Variants in CDH12 observed in about 807,000 individuals in gnomAD.
The protein encoded by CDH12 is cadherin 12, also known as cadherin-12.
A neutral mutation model predicts 74.1 loss-of-function variants in CDH12; 41 were observed. The observed-to-expected ratio is 0.55, with a 90% confidence interval of 0.43 to 0.72. The LOEUF (loss-of-function observed/expected upper bound fraction) is 0.72, where lower values mean the gene tolerates loss of function less well. Among genes scored for constraint, CDH12 ranks in the 30% least tolerant of loss-of-function variants. CDH12 has a pLI of 0.00. For synonymous variants in CDH12, 399 were observed against 355.0 expected, an observed-to-expected ratio of 1.12 and a Z score of -1.39; for missense variants, 945 against 977.2, an observed-to-expected ratio of 0.97 and a Z score of 0.44.
At chr5:22,781,199 A>C (rs570590166) in intron 1 of CDH12, among the ~76,000 whole-genome samples, 22 of 152,316 alleles carry the variant, frequency 1.4e-4, no homozygotes, top group African/African-American at 4.3e-4. Flanking sequence ...CTCAAGAAAA[A>C]AATGAATCTT....
chr5:22,543,509 A>G (rs867665909), intron 1 of CDH12, among the ~76,000 whole-genome samples: 16 of 152,288 alleles, frequency 1.1e-4, no homozygotes, highest in Middle Eastern at 3.4e-3. Flanking sequence ...TTAGCTTAAT[A>G]TCGATTGTTG....
intron 2 of CDH12, among the ~76,000 whole-genome samples, chr5:22,441,371 T>C (rs1004198843): frequency 6.6e-6 from 1 of 152,142 alleles, no homozygotes; most frequent in African/African-American, 2.4e-5. Context: ...TTGCATATCA[T>C]TGAAGATATT....
intron 4 of CDH12, among the ~76,000 whole-genome samples, chr5:22,199,161 G>C (rs1750786431): frequency 6.6e-6 from 1 of 152,078 alleles, no homozygotes; most frequent in Admixed American, 6.5e-5. Flanking sequence ...AACCACTTGG[G>C]GAAGCAACAC....
At chr5:21,808,264 G>T (rs1484656337) in intron 9 of CDH12, among the ~76,000 whole-genome samples, 1 of 151,942 alleles carries the variant, frequency 6.6e-6, no homozygotes, top group Non-Finnish European at 1.5e-5. Flanking sequence ...CTCCCAAAAG[G>T]CCCTGAGCAA....
Position 22,151,480 on chromosome 5 carries a change from C to T in CDH12, c.-187+61018G>A, listed in dbSNP as rs190191754. On this transcript the variant is annotated intron_variant, in intron 4 of 14. Coordinates refer to ENST00000382254, the MANE Select transcript of CDH12 (RefSeq NM_004061.5). ...GATAAATATCTTATCAGTTTTTGTA[C>T]CCTGCTGAAATCCTTCCTCAAGAGA... 3.9e-5 allele frequency among the ~76,000 whole-genome samples: 6 copies of T among 152,138 alleles called. No individual in the cohort carries two copies. The East Asian group carries it at 9.7e-4, about 25-fold the overall frequency.
At chr5:22,704,503 A>G (rs1253029899) in intron 1 of CDH12, among the ~76,000 whole-genome samples, 1 of 152,138 alleles carries the variant, frequency 6.6e-6, no homozygotes, top group African/African-American at 2.4e-5. Context: ...AAGTCCAGTA[A>G]AGTATTCACA....
At chr5:22,661,418 T>C (rs1441458565) in intron 1 of CDH12, among the ~76,000 whole-genome samples, 1 of 152,180 alleles carries the variant, frequency 6.6e-6, no homozygotes, top group Non-Finnish European at 1.5e-5. Context: ...AATGCAGACG[T>C]TTTAGAAAAT....
At chr5:22,189,817 G>C (rs1297359430) in intron 4 of CDH12, among the ~76,000 whole-genome samples, 1 of 148,802 alleles carries the variant, frequency 6.7e-6, no homozygotes, top group Non-Finnish European at 1.5e-5. Context: ...GCATCCAGGG[G>C]ATAACAGATG....
chr5:22,302,009 GGAGAGA>G (rs36001047), intron 3 of CDH12, among the ~76,000 whole-genome samples: 1 of 145,382 alleles, frequency 6.9e-6, no homozygotes, highest in African/African-American at 2.6e-5. Flanking sequence ...ATATATATAT[GGAGAGA>G]GAGAGAGAGA....
At chr5:21,910,161 T>A (rs746984198) in intron 6 of CDH12, among the ~76,000 whole-genome samples, 2 of 152,130 alleles carry the variant, frequency 1.3e-5, no homozygotes, top group Non-Finnish European at 2.9e-5. Flanking sequence ...TGTGTATGTA[T>A]TTGCAAACAG....
chr5:22,704,600 T>A (rs1742888582), intron 1 of CDH12, among the ~76,000 whole-genome samples: 2 of 152,120 alleles, frequency 1.3e-5, no homozygotes, highest in South Asian at 4.1e-4. Flanking sequence ...TCTGTTGAAA[T>A]ATTTACAAGA....
At chr5:22,519,153 T>G (rs1470267474) in intron 1 of CDH12, among the ~76,000 whole-genome samples, 1 of 152,130 alleles carries the variant, frequency 6.6e-6, no homozygotes, top group Non-Finnish European at 1.5e-5. Context: ...AGTCTTAGTT[T>G]GTCCCAGGCA....
At chr5:21,960,724 TACAC>T (rs954842771) in intron 6 of CDH12, among the ~76,000 whole-genome samples, 55 of 151,934 alleles carry the variant, frequency 3.6e-4, no homozygotes, top group African/African-American at 1.2e-3. Context: ...CACACGCACA[TACAC>T]ACACACGTGT....
chr5:22,169,000 T>C (rs540221906), intron 4 of CDH12, among the ~76,000 whole-genome samples: 1 of 150,164 alleles, frequency 6.7e-6, no homozygotes, highest in South Asian at 2.1e-4. Flanking sequence ...CTAGATGCAT[T>C]TATCTTTTGT....
chr5:22,467,467 C>A (rs971212518), intron 2 of CDH12, among the ~76,000 whole-genome samples: 3 of 152,248 alleles, frequency 2.0e-5, no homozygotes, highest in African/African-American at 7.2e-5. Flanking sequence ...TCTCTGTCTG[C>A]ATACTTTGCA....
At chr5:22,311,588 G>A (rs142637331) in intron 3 of CDH12, among the ~76,000 whole-genome samples, 322 of 151,710 alleles carry the variant, frequency 2.1e-3, no homozygotes, top group Non-Finnish European at 3.2e-3. Context: ...TGTAATCCCA[G>A]CTACTCAGGA....
chr5:22,081,182 T>C (rs1164570023), intron 4 of CDH12, among the ~76,000 whole-genome samples: 1 of 152,188 alleles, frequency 6.6e-6, no homozygotes, highest in Non-Finnish European at 1.5e-5. Context: ...ATTTAGACAA[T>C]ACAGTTTGAA....
intron 14 of CDH12, 68 bp from the exon 15 acceptor site, chr5:21,752,304 A>T: frequency 7.1e-7 from 1 of 1,413,274 alleles, no homozygotes; most frequent in Non-Finnish European, 9.5e-7. Context: ...CTCCATAAAA[A>T]TTAAAAATGA....
chr5:21,794,636 T>C (rs2149912288), intron 10 of CDH12, among the ~76,000 whole-genome samples: 1 of 151,880 alleles, frequency 6.6e-6, no homozygotes, highest in African/African-American at 2.4e-5. Context: ...TTTCATTTAA[T>C]ATGTTTTGCA....
Sources: gnomAD v4.1 joint callset for allele counts (sites outside exome capture counted in the v4.1 genomes callset) on GRCh38, gnomAD v4.1.1 for gene constraint, MANE v1.5 for transcripts, NCBI Gene and HGNC (gene_info 2026-07-23, HGNC 2026-07-21) for gene names.